GRIK2: variants seen among roughly 807,000 people sequenced by gnomAD.
GRIK2 encodes the protein glutamate ionotropic receptor kainate type subunit 2, also known as glutamate receptor ionotropic, kainate 2.
GRIK2 carries 32 observed loss-of-function variants against 100.3 expected under a neutral mutation model. The observed-to-expected ratio is 0.32, with a 90% CI of 0.24 to 0.43. The LOEUF (loss-of-function observed/expected upper bound fraction) is 0.43, where lower values mean the gene tolerates loss of function less well. GRIK2 is among the 20% of genes least tolerant of loss of function. GRIK2 has a pLI of 1.00. For missense variants in GRIK2, 843 were observed against 1,114.9 expected, an observed-to-expected ratio of 0.76 and a Z score of 3.47; for synonymous variants, 417 against 389.4, an observed-to-expected ratio of 1.07 and a Z score of -0.83.
At chr6:102,006,390 ATTTTTTT>A (rs34620995) in intron 14 of GRIK2, among the ~76,000 whole-genome samples, 1 of 114,096 alleles carries the variant, frequency 8.8e-6, no homozygotes, top group African/African-American at 4.6e-5. Flanking sequence ...ATATATATAT[ATTTTTTT>A]TTTTTTTGAG....
At position 102,045,551 on chromosome 6, in the gene GRIK2, G is replaced by A. The variant is rs553732222; in HGVS notation, c.2312-9779G>A. On this transcript the variant is annotated intron_variant, in intron 15 of 16. Coordinates refer to ENST00000369134, the MANE Select transcript of GRIK2 (RefSeq NM_021956.5). ...GCCAACTATAAATGACACTGTTCAT[G>A]TAGAAATGAGAGAAGAGAGGTTAAA... is the stretch of plus-strand genomic sequence containing the variant. Among the ~76,000 whole-genome samples the A allele has an allele frequency of 1.4e-3, 210 of 152,138 alleles. 2 individuals carry two copies. Among genetic ancestry groups the A allele is most frequent in the African/African-American group, 4.6e-3 (193 of 41,538 alleles).
chr6:101,811,331 G>A (rs1781312624), intron 9 of GRIK2, among the ~76,000 whole-genome samples: 1 of 151,928 alleles, frequency 6.6e-6, no homozygotes, highest in Admixed American at 6.6e-5. Context: ...TCAAAACAAT[G>A]TACAATCAAA....
At chr6:101,742,702 T>C (rs530559065) in intron 7 of GRIK2, among the ~76,000 whole-genome samples, 7 of 152,286 alleles carry the variant, frequency 4.6e-5, no homozygotes, top group Non-Finnish European at 1.0e-4. Flanking sequence ...TCAATAGAAA[T>C]GAATATCTGG....
Position 102,055,416 on chromosome 6 carries a change from A to T in GRIK2, c.2398A>T (p.Arg800Trp). 1 of 1,612,784 alleles carries T rather than the reference A, an allele frequency of 6.2e-7. No homozygotes were observed. Among genetic ancestry groups the T allele is most frequent in the Non-Finnish European group, 8.5e-7 (1 of 1,178,838 alleles). The change falls in exon 16 of 17, where the codon AGG (arginine) becomes TGG (tryptophan). Residue 800 changes from arginine to tryptophan, a missense_variant. Transcript: ENST00000369134. Reference protein sequence around the residue: ...KLHMMKEKWWRGNGCPEEESK... With the variant: ...KLHMMKEKWWWGNGCPEEESK... ...GCATATGATGAAGGAGAAATGGTGG[A>T]GGGGCAATGGTTGCCCAGAAGAGGA... is the stretch of plus-strand genomic sequence containing the variant.
chr6:101,682,587 AT>A lies in GRIK2; in HGVS notation c.760del (p.Tyr254IlefsTer23). The A allele has an allele frequency of 7.5e-7, 1 of 1,324,796 alleles. No individual in the cohort carries two copies. Among genetic ancestry groups the A allele is most frequent in the Non-Finnish European group, 1.1e-6 (1 of 926,082 alleles). 82.1% of individuals were successfully genotyped at this position (1,324,796 alleles called of 1,614,324 possible). A position where few individuals can be genotyped will look rare whatever the true frequency, so the allele number is the denominator to read the frequency against. On this transcript the variant is annotated frameshift_variant, in exon 6 of 17. Transcript: ENST00000369134. LOFTEE classifies it high-confidence loss of function. Reference protein sequence around the residue: ...LAMGMMTEYYHYIFTTLDLFA... With the variant: ...LAMGMMTEYYXYIFTTLDLFA... ...ATGGGAATGATGACAGAATACTATC[AT>A]TATATCTTTACCACTCTGGTAAGTA...
At chr6:101,630,629 C>A (rs902385780) in intron 4 of GRIK2, among the ~76,000 whole-genome samples, 1 of 151,832 alleles carries the variant, frequency 6.6e-6, no homozygotes, top group African/African-American at 2.4e-5. Flanking sequence ...TTGCTTGATG[C>A]ATAGTTTGTG....
intron 4 of GRIK2, among the ~76,000 whole-genome samples, chr6:101,654,125 A>C (rs1158945581): frequency 6.6e-6 from 1 of 152,090 alleles, no homozygotes; most frequent in Admixed American, 6.6e-5. Flanking sequence ...AAACTGAATA[A>C]ACATCTAATG....
At chr6:101,784,421 G>A (rs559949286) in intron 7 of GRIK2, among the ~76,000 whole-genome samples, 70 of 152,358 alleles carry the variant, frequency 4.6e-4, no homozygotes, top group African/African-American at 1.6e-3. Flanking sequence ...GAAGGGACTT[G>A]CCTTGTCTCA....
intron 14 of GRIK2, among the ~76,000 whole-genome samples, chr6:101,996,854 A>G (rs1794678650): frequency 6.6e-6 from 1 of 152,078 alleles, no homozygotes. Context: ...GCCAATTTTC[A>G]TGAATGTTGT....
rs10666025 is a variant in GRIK2, at chr6:101,806,626, G to GTTTT, written c.1203+4198_1203+4201dup. ...TTTTCTTCTGCCCTACCTACAGAGG[G>GTTTT]TTTTTTTTTTTTTCTCATTTCCTCA... On this transcript the variant is annotated intron_variant, in intron 9 of 16. Transcript: ENST00000369134. Among the ~76,000 whole-genome samples the GTTTT allele has an allele frequency of 2.5e-3, 349 of 141,644 alleles. 1 individual carries two copies. The highest frequency in any genetic ancestry group is 0.016 in the East Asian group (79 of 4,794). The allele number at this position is 141,644 out of a possible 152,430, so 92.9% of individuals were successfully genotyped here. A position where few individuals can be genotyped will look rare whatever the true frequency, so the allele number is the denominator to read the frequency against.
intron 15 of GRIK2, among the ~76,000 whole-genome samples, chr6:102,041,810 A>AT (rs1196844678): frequency 3.3e-5 from 5 of 150,082 alleles, no homozygotes; most frequent in African/African-American, 1.2e-4. Context: ...AAAAAAAAAA[A>AT]GTGTTTTGAA....
chr6:101,810,227 A>G (rs1453738169), intron 9 of GRIK2, among the ~76,000 whole-genome samples: 1 of 152,004 alleles, frequency 6.6e-6, no homozygotes, highest in African/African-American at 2.4e-5. Context: ...ATTTGGGAAC[A>G]TGTAATTCAT....
At chr6:101,872,074 C>G (rs754037526) in intron 11 of GRIK2, among the ~76,000 whole-genome samples, 2 of 151,842 alleles carry the variant, frequency 1.3e-5, no homozygotes, top group Non-Finnish European at 1.5e-5. Flanking sequence ...ACAATGGCCA[C>G]TCTGACTGAT....
intron 16 of GRIK2, among the ~76,000 whole-genome samples, chr6:102,064,550 G>A (rs1771923868): frequency 1.3e-5 from 2 of 149,420 alleles, no homozygotes; most frequent in South Asian, 4.2e-4. Flanking sequence ...CTTGGGTTTT[G>A]AGACTTATTT....
In GRIK2 at chr6:101,512,075, T is replaced by C. The variant is rs183444417; in HGVS notation, c.116-109874T>C. ...ATACATACATATATATATATATATA[T>C]ACACACATACATGAATACTTAAAAT... is the stretch of plus-strand genomic sequence containing the variant. On this transcript the variant is annotated intron_variant, in intron 2 of 16. Transcript: ENST00000369134. Among the ~76,000 whole-genome samples, 490 of 140,104 alleles carry C rather than the reference T, an allele frequency of 3.5e-3. 1 individual carries two copies. The highest frequency in any genetic ancestry group is 0.01 in the East Asian group (49 of 4,766). The allele number at this position is 140,104 out of a possible 152,430, so 91.9% of individuals were successfully genotyped here.
chr6:101,756,610 A>G (rs906776100), intron 7 of GRIK2, among the ~76,000 whole-genome samples: 5 of 152,320 alleles, frequency 3.3e-5, no homozygotes, highest in Admixed American at 1.3e-4. Context: ...GAAGGTTGCC[A>G]TAAACTCTTC....
At chr6:101,523,210 G>A (rs1326501880) in intron 2 of GRIK2, among the ~76,000 whole-genome samples, 1 of 152,066 alleles carries the variant, frequency 6.6e-6, no homozygotes, top group Non-Finnish European at 1.5e-5. Flanking sequence ...TTGGCAGCCA[G>A]AAATAATTTT....
In GRIK2 at chr6:101,712,209, C is replaced by T. The variant is rs527732317; in HGVS notation, c.951+25856C>T. ...CCCTTTTTGGGCCATAGGATCATAG[C>T]TGACTGCTATCTTTTAGAACCTTGC... On this transcript the variant is annotated intron_variant, in intron 7 of 16. Transcript: ENST00000369134. 6.6e-5 allele frequency among the ~76,000 whole-genome samples: 10 copies of T among 151,938 alleles called. No individual in the cohort carries two copies. In the South Asian group the frequency reaches 2.1e-3, roughly 31 times the overall value.
chr6:101,749,038 C>T (rs1484728995), intron 7 of GRIK2, among the ~76,000 whole-genome samples: 1 of 151,892 alleles, frequency 6.6e-6, no homozygotes, highest in Non-Finnish European at 1.5e-5. Flanking sequence ...TTATTAAGCA[C>T]CTGGAATAAG....
Sources: allele counts gnomAD v4.1 joint callset (sites outside exome capture counted in the v4.1 genomes callset), GRCh38; gene constraint gnomAD v4.1.1; transcripts MANE v1.5; gene names NCBI Gene and HGNC (gene_info 2026-07-23, HGNC 2026-07-21).